The following KCNIP4 variants were observed in gnomAD, a reference collection of about 807,000 sequenced individuals.
KCNIP4 encodes the protein potassium voltage-gated channel interacting protein 4.
KCNIP4 carries 12 observed loss-of-function variants against 34.0 expected under a neutral mutation model. The observed-to-expected ratio is 0.35, with a 90% CI of 0.23 to 0.57. KCNIP4 has a LOEUF of 0.57. KCNIP4 is among the 20% of genes least tolerant of loss of function. The probability of loss-of-function intolerance (pLI) is 0.83; values close to 1 mark genes in which losing one functional copy is unlikely to be tolerated. For missense variants in KCNIP4, 238 were observed against 311.7 expected (o/e 0.76, Z 1.78); for synonymous variants, 124 against 102.2 (o/e 1.21, Z -1.29).
At chr4:21,137,871 C>CTTTTTTTT (rs144440285) in intron 1 of KCNIP4, among the ~76,000 whole-genome samples, 3,090 of 117,170 alleles carry the variant, frequency 0.026, 296 homozygotes, top group Non-Finnish European at 0.03. Flanking sequence ...CTTACACAGG[C>CTTTTTTTT]TTTTTTGTTT....
At chr4:20,954,900 T>C (rs1392402377) in intron 1 of KCNIP4, among the ~76,000 whole-genome samples, 1 of 152,198 alleles carries the variant, frequency 6.6e-6, no homozygotes, top group African/African-American at 2.4e-5. Flanking sequence ...ATGATCTGAA[T>C]TGACTCATCT....
chr4:20,772,791 G>T (rs1422398572), intron 3 of KCNIP4, among the ~76,000 whole-genome samples: 1 of 151,870 alleles, frequency 6.6e-6, no homozygotes, highest in Admixed American at 6.6e-5. Context: ...ACAGGCGCCC[G>T]CCACGACGCC....
intron 1 of KCNIP4, among the ~76,000 whole-genome samples, chr4:21,514,850 C>A (rs1035799888): frequency 9.9e-5 from 15 of 152,116 alleles, no homozygotes; most frequent in African/African-American, 3.4e-4. Flanking sequence ...CTATCTAAGC[C>A]TGATGTATTC....
intron 3 of KCNIP4, among the ~76,000 whole-genome samples, chr4:20,792,682 AT>A (rs1712928309): frequency 6.6e-6 from 1 of 152,194 alleles, no homozygotes; most frequent in Non-Finnish European, 1.5e-5. Flanking sequence ...CATAATGAAG[AT>A]ATTTCTTAAT....
chr4:21,464,331 G>A (rs551841679), intron 1 of KCNIP4, among the ~76,000 whole-genome samples: 72 of 151,892 alleles, frequency 4.7e-4, no homozygotes, highest in African/African-American at 1.6e-3. Flanking sequence ...ATAGACATTT[G>A]TAGTTATAAA....
intron 1 of KCNIP4, among the ~76,000 whole-genome samples, chr4:21,282,951 TG>T (rs1762873081): frequency 6.6e-6 from 1 of 152,170 alleles, no homozygotes; most frequent in Non-Finnish European, 1.5e-5. Flanking sequence ...CGTCAACTGC[TG>T]AATGGTTAAA....
chr4:21,249,792 T>C (rs1039841897), intron 1 of KCNIP4, among the ~76,000 whole-genome samples: 2 of 152,164 alleles, frequency 1.3e-5, no homozygotes, highest in Non-Finnish European at 2.9e-5. Flanking sequence ...GTAACAATGT[T>C]TTGGCGATGA....
chr4:21,755,725 C>A (rs112622324), intron 1 of KCNIP4, among the ~76,000 whole-genome samples: 1 of 152,132 alleles, frequency 6.6e-6, no homozygotes, highest in African/African-American at 2.4e-5. Context: ...TGTAGTTAAT[C>A]AAATATCTTT....
In KCNIP4 at chr4:21,046,623, C is replaced by T. The variant is rs539064725; in HGVS notation, c.62-163914G>A. 7.3e-5 allele frequency among the ~76,000 whole-genome samples: 6 copies of T among 81,636 alleles called. No individual in the cohort carries two copies. The South Asian group carries it at 2.1e-3, about 28-fold the overall frequency. 53.6% of individuals were successfully genotyped at this position (81,636 alleles called of 152,430 possible). On this transcript the variant is annotated intron_variant, in intron 1 of 8. Coordinates refer to ENST00000382152, the MANE Select transcript of KCNIP4 (RefSeq NM_025221.6). Reference sequence around the variant, plus strand: ...TATTTATTTTTGAGATGGAGTTTCGCTCTTGTTGCTCAGGCAGGAGTGCAA... The same window carrying T: ...TATTTATTTTTGAGATGGAGTTTCGTTCTTGTTGCTCAGGCAGGAGTGCAA...
chr4:21,031,211 C>T (rs2149763884), intron 1 of KCNIP4, among the ~76,000 whole-genome samples: 1 of 152,306 alleles, frequency 6.6e-6, no homozygotes, highest in African/African-American at 2.4e-5. Flanking sequence ...TCCCAAGTTC[C>T]TTGCACCTAC....
intron 1 of KCNIP4, among the ~76,000 whole-genome samples, chr4:21,084,269 A>G (rs1746234624): frequency 6.6e-6 from 1 of 152,064 alleles, no homozygotes; most frequent in South Asian, 2.1e-4. Context: ...TGAGCCATGC[A>G]ATGATGGACG....
intron 1 of KCNIP4, among the ~76,000 whole-genome samples, chr4:21,714,803 T>C (rs976266475): frequency 0.22 from 90 of 404 alleles, 8 homozygotes; most frequent in East Asian, 0.67. Context: ...TATTTTATTT[T>C]ATTTTATTTT....
intron 1 of KCNIP4, among the ~76,000 whole-genome samples, chr4:21,368,207 T>G (rs1358482074): frequency 7.0e-6 from 1 of 142,900 alleles, no homozygotes. Context: ...AAAATAATCT[T>G]ATTAGAATGA....
chr4:21,265,599 A>G (rs1761751230), intron 1 of KCNIP4, among the ~76,000 whole-genome samples: 1 of 152,178 alleles, frequency 6.6e-6, no homozygotes, highest in Non-Finnish European at 1.5e-5. Flanking sequence ...AGCAACAGAC[A>G]AGCCAATTTT....
intron 1 of KCNIP4, among the ~76,000 whole-genome samples, chr4:21,494,881 T>C (rs959732130): frequency 2.6e-5 from 4 of 152,152 alleles, no homozygotes; most frequent in Admixed American, 1.3e-4. Context: ...TCTGTTAAAA[T>C]TAATTTATAA....
intron 1 of KCNIP4, among the ~76,000 whole-genome samples, chr4:21,711,309 A>T (rs140734191): frequency 0.017 from 2,650 of 152,152 alleles, 77 homozygotes; most frequent in African/African-American, 0.053. Context: ...TCATCTCTAC[A>T]AAAAATACAA....
chr4:21,323,945 C>T (rs542004108), intron 1 of KCNIP4, among the ~76,000 whole-genome samples: 5 of 152,094 alleles, frequency 3.3e-5, no homozygotes, highest in Middle Eastern at 3.4e-3. Flanking sequence ...ACCATTTTAA[C>T]TGGGGTGAGA....
chr4:21,839,824 T>C, intron 1 of KCNIP4, among the ~76,000 whole-genome samples: 1 of 152,102 alleles, frequency 6.6e-6, no homozygotes, highest in East Asian at 1.9e-4. Flanking sequence ...TGCGGACCAA[T>C]GCTGAACACG....
rs1403119133 is a variant in KCNIP4, at chr4:20,825,809, C to T, written c.288+24734G>A. ...AACAGAACCCTAAGGAACAGAAGTGCGTAAAGAATTTGTGTAGAAATGAAA... is the reference window on the plus strand; with the variant it reads ...AACAGAACCCTAAGGAACAGAAGTGTGTAAAGAATTTGTGTAGAAATGAAA... On this transcript the variant is annotated intron_variant, in intron 3 of 8. Transcript: ENST00000382152. Among the ~76,000 whole-genome samples the T allele has an allele frequency of 3.9e-5, 6 of 152,028 alleles. No homozygotes were observed. The East Asian group carries it at 5.8e-4, about 15-fold the overall frequency.
Sources: gnomAD v4.1 joint callset for allele counts (sites outside exome capture counted in the v4.1 genomes callset) on GRCh38, gnomAD v4.1.1 for gene constraint, MANE v1.5 for transcripts, NCBI Gene and HGNC (gene_info 2026-07-23, HGNC 2026-07-21) for gene names.